The following N4BP2 variants were observed in gnomAD, a reference collection of about 807,000 sequenced individuals.
N4BP2 encodes NEDD4 binding protein 2.
A neutral mutation model predicts 152.8 loss-of-function variants in N4BP2; 91 were observed. The ratio of observed to expected loss-of-function variants is 0.60; its 90% CI spans 0.50 to 0.71. N4BP2 has a LOEUF of 0.71. Ranked by LOEUF, N4BP2 falls within the 30% of genes least tolerant of loss-of-function variation. The probability of loss-of-function intolerance (pLI) is 0.00; values close to 1 mark genes in which losing one functional copy is unlikely to be tolerated. For missense variants in N4BP2, 1,923 were observed against 2,059.1 expected (o/e 0.93, Z 1.28); for synonymous variants, 646 against 705.3 (o/e 0.92, Z 1.33).
chr4:40,118,859 A>G (rs1717595183), intron 8 of N4BP2, among the ~76,000 whole-genome samples: 1 of 152,236 alleles, frequency 6.6e-6, no homozygotes, highest in Admixed American at 6.5e-5. Context: ...TAAACAATTG[A>G]ATAAATAAAA....
downstream of N4BP2, among the ~76,000 whole-genome samples, chr4:40,161,770 A>G (rs1721866662): frequency 6.6e-6 from 1 of 152,214 alleles, no homozygotes; most frequent in Non-Finnish European, 1.5e-5. Context: ...CTACTTTTGA[A>G]TGTATTCAAA....
rs943852718 is a variant in N4BP2 at position 40,157,194 on chromosome 4, A to T, written c.*2957A>T. 9.9e-5 allele frequency: 15 copies of T among 152,030 alleles called. No individual in the cohort carries two copies. The highest frequency in any genetic ancestry group is 3.6e-4 in the African/African-American group (15 of 41,452). 9.4% of individuals were successfully genotyped at this position (152,030 alleles called of 1,614,324 possible). On this transcript the variant is annotated 3_prime_UTR_variant, in exon 18 of 18. Transcript: ENST00000261435. ...CTGTCCATCTCTTTATTCCAATGTG[A>T]GAAATGGAAGTGTTTTTTTTTTTAC...
intron 2 of N4BP2, among the ~76,000 whole-genome samples, chr4:40,093,501 G>A (rs1714820876): frequency 1.3e-5 from 2 of 151,826 alleles, no homozygotes; most frequent in Admixed American, 6.6e-5. Context: ...TTGCTTCCCG[G>A]GTTGAAGTGA....
At chr4:40,142,484 G>A in intron 14 of N4BP2, 189 bp from the exon 15 acceptor site, 2 of 542,568 alleles carry the variant, frequency 3.7e-6, no homozygotes, top group Non-Finnish European at 3.3e-6. Context: ...AACCTTAGCG[G>A]CATAAAAAAG....
Position 40,102,883 on chromosome 4 carries a change from A to G in N4BP2, c.1038A>G (p.Val346=), listed in dbSNP as rs928794249. ...GGAAGGATGTGAGTTACTGCCCGGT[A>G]CTTGCTCCTCTCCCATTGCTGTTGC... The part of the protein sequence containing the change: ...TKGKDVSYCP[V]LAPLPLLLPP... Residue 346 remains valine, a synonymous_variant, in exon 4 of 18, where the codon GTA becomes GTG. Coordinates refer to ENST00000261435, the MANE Select transcript of N4BP2 (RefSeq NM_018177.6). The G allele has an allele frequency of 6.2e-7, 1 of 1,614,076 alleles. No homozygotes were observed. Among genetic ancestry groups the G allele is most frequent in the African/African-American group, 1.3e-5 (1 of 74,924 alleles).
chr4:40,095,244 C>T (rs189004674), intron 2 of N4BP2, among the ~76,000 whole-genome samples: 7 of 152,216 alleles, frequency 4.6e-5, no homozygotes, highest in Non-Finnish European at 1.0e-4. Flanking sequence ...CCACGCCTGG[C>T]TAATTTTTGT....
the N4BP2 span, among the ~76,000 whole-genome samples, chr4:40,170,638 C>T: frequency 6.6e-6 from 1 of 151,928 alleles, no homozygotes. Context: ...GACCCTGTCC[C>T]CCAAAAGAAA....
intron 2 of N4BP2, among the ~76,000 whole-genome samples, chr4:40,092,490 A>T (rs1047489322): frequency 1.3e-5 from 2 of 151,626 alleles, no homozygotes; most frequent in African/African-American, 4.8e-5. Flanking sequence ...TCCCTTTTTC[A>T]TTCCTGATGT....
intron 1 of N4BP2, among the ~76,000 whole-genome samples, chr4:40,060,771 T>A (rs982931367): frequency 1.3e-5 from 2 of 151,414 alleles, no homozygotes; most frequent in African/African-American, 4.9e-5. Flanking sequence ...CCTGGCTCAT[T>A]TTTAAAATTT....
At position 40,117,960 on chromosome 4, in the gene N4BP2, T is replaced by C; in HGVS notation, c.1756T>C (p.Ser586Pro). The change falls in exon 8 of 18, where the codon TCG (serine) becomes CCG (proline). Residue 586 changes from serine (S) to proline (P), a missense_variant. Transcript: ENST00000261435. The part of the protein sequence containing the change: ...FVSVPIIMSS[S>P]VPEKIERIEL... ...TTCAGTGCCAATAATTATGAGTTCTTCGGTTCCAGAGAAAATTGAACGTAT... is the reference window on the plus strand; with the variant it reads ...TTCAGTGCCAATAATTATGAGTTCTCCGGTTCCAGAGAAAATTGAACGTAT... 6.2e-7 allele frequency: 1 copy of C among 1,612,882 alleles called. No individual in the cohort carries two copies. The highest frequency in any genetic ancestry group is 8.5e-7 in the Non-Finnish European group (1 of 1,179,378).
chr4:40,170,459 A>C, the N4BP2 span, among the ~76,000 whole-genome samples: 1 of 151,714 alleles, frequency 6.6e-6, no homozygotes, highest in African/African-American at 2.4e-5. Flanking sequence ...TCTCTACAAA[A>C]AATACAAAAA....
At chr4:40,119,530 T>A (rs1298824325) in intron 8 of N4BP2, among the ~76,000 whole-genome samples, 3 of 152,184 alleles carry the variant, frequency 2.0e-5, no homozygotes, top group African/African-American at 7.2e-5. Flanking sequence ...TGAAGCTTCC[T>A]CGGTATCAGA....
intron 10 of N4BP2, 138 bp from the exon 11 acceptor site, chr4:40,124,022 G>A: frequency 2.0e-6 from 1 of 496,304 alleles, no homozygotes; most frequent in East Asian, 3.3e-5. Flanking sequence ...TAACTTTATT[G>A]TTTTACTTAG....
Position 40,135,030 on chromosome 4 carries a change from G to A in N4BP2, c.4647-1914G>A, listed in dbSNP as rs377609065. Among the ~76,000 whole-genome samples the A allele has an allele frequency of 1.5e-4, 23 of 150,032 alleles. 1 individual carries two copies. In the South Asian group the frequency reaches 4.9e-3, roughly 32 times the overall value. On this transcript the variant is annotated intron_variant, in intron 13 of 17. Transcript: ENST00000261435. ...AGTTACATATGTATACATGTGACAT[G>A]CTGGTGTGCTGCACCCACTAACTTG...
chr4:40,181,107 G>A, the N4BP2 span, among the ~76,000 whole-genome samples: 5 of 152,136 alleles, frequency 3.3e-5, no homozygotes, highest in Non-Finnish European at 4.4e-5. Context: ...CTGAGACCTC[G>A]CCATTGCACT....
intron 12 of N4BP2, among the ~76,000 whole-genome samples, chr4:40,131,002 A>G (rs1319808381): frequency 6.6e-6 from 1 of 152,160 alleles, no homozygotes; most frequent in East Asian, 1.9e-4. Flanking sequence ...TAATTCTTAT[A>G]CAGTTATTTT....
chr4:40,190,133 G>A, the N4BP2 span, among the ~76,000 whole-genome samples: 1 of 152,026 alleles, frequency 6.6e-6, no homozygotes, highest in Non-Finnish European at 1.5e-5. Context: ...TCTACTACTA[G>A]AGTTTCATAT....
chr4:40,119,963 AAAG>A lies in N4BP2; in HGVS notation c.1858_1860del (p.Glu620del), dbSNP rs1560611944. 6.7e-7 allele frequency: 1 copy of A among 1,492,180 alleles called. No individual in the cohort carries two copies. Among genetic ancestry groups the A allele is most frequent in the Admixed American group, 2.1e-5 (1 of 47,176 alleles). The allele number at this position is 1,492,180 out of a possible 1,614,324, so 92.4% of individuals were successfully genotyped here. A position where few individuals can be genotyped will look rare whatever the true frequency, so the allele number is the denominator to read the frequency against. On this transcript the variant is annotated inframe_deletion, in exon 9 of 18. Coordinates refer to ENST00000261435, the MANE Select transcript of N4BP2 (RefSeq NM_018177.6). ...AGACGATGAAGATATTATCTCTGAAAAAGAAGAAAATATTTTATCTTTATCTTT... is the reference window on the plus strand; with the variant it reads ...AGACGATGAAGATATTATCTCTGAAAAAGAAAATATTTTATCTTTATCTTT...
At chr4:40,093,442 T>C (rs1714812984) in intron 2 of N4BP2, among the ~76,000 whole-genome samples, 1 of 151,444 alleles carries the variant, frequency 6.6e-6, no homozygotes, top group South Asian at 2.1e-4. Flanking sequence ...AGTCTTGCCG[T>C]GTCACCCAGG....
Sources: allele counts gnomAD v4.1 joint callset (sites outside exome capture counted in the v4.1 genomes callset), GRCh38; gene constraint gnomAD v4.1.1; transcripts MANE v1.5; gene names NCBI Gene and HGNC (gene_info 2026-07-23, HGNC 2026-07-21).